The following ASIC1 variants were observed in gnomAD, a reference collection of about 807,000 sequenced individuals.
ASIC1 encodes acid-sensing ion channel 1.
In ASIC1, 21 loss-of-function variants were observed where a neutral mutation model predicts 63.4. The observed-to-expected ratio is 0.33, with a 90% confidence interval of 0.23 to 0.48. ASIC1 has a LOEUF of 0.48. Ranked by LOEUF, ASIC1 falls within the 20% of genes least tolerant of loss-of-function variation. The pLI, the probability that ASIC1 is intolerant of heterozygous loss-of-function variation, is 0.99. For synonymous variants in ASIC1, 258 were observed against 278.2 expected (o/e 0.93, Z 0.72); for missense variants, 478 against 695.5 (o/e 0.69, Z 3.52).
Position 50,057,697 on chromosome 12 carries a change from GGCGAGCGAGCCAGCGAGCC to G in ASIC1, c.-235_-217del, listed in dbSNP as rs1950457524. The G allele has an allele frequency of 6.6e-6, 1 of 151,532 alleles. No homozygotes were observed. Among genetic ancestry groups the G allele is most frequent in the South Asian group, 2.1e-4 (1 of 4,830 alleles). The allele number at this position is 151,532 out of a possible 1,614,324, so 9.4% of individuals were successfully genotyped here. Reference sequence around the variant, plus strand: ...GCCGAGCCCGGGCAGACCGAGCCGAGGCGAGCGAGCCAGCGAGCCAGCGCGCGCGGGCGGGCGGACAGAT... The same window carrying G: ...GCCGAGCCCGGGCAGACCGAGCCGAGAGCGCGCGCGGGCGGGCGGACAGAT... On this transcript the variant is annotated 5_prime_UTR_variant, in exon 1 of 12. Coordinates refer to ENST00000447966, the MANE Select transcript of ASIC1 (RefSeq NM_001095.4). The surrounding 1 kb of genome is among the most constrained non-coding windows in gnomAD (Gnocchi z 4.7).
chr12:50,078,792 G>A lies in ASIC1; in HGVS notation c.995-132G>A. On this transcript the variant is annotated intron_variant, in intron 6 of 11. Coordinates refer to ENST00000447966, the MANE Select transcript of ASIC1 (RefSeq NM_001095.4). The surrounding 1 kb of genome is among the most constrained non-coding windows in gnomAD (Gnocchi z 6.0). ...ATGGACCTGGAGTGGGTCACTTCTG[G>A]GGCAGCATGGGGGCCTGCCAGTCCT... 2 of 1,322,992 alleles carry A rather than the reference G, an allele frequency of 1.5e-6. No homozygotes were observed. The highest frequency in any genetic ancestry group is 2.2e-6 in the Non-Finnish European group (2 of 922,022). The allele number at this position is 1,322,992 out of a possible 1,614,324, so 82.0% of individuals were successfully genotyped here.
At position 50,078,378 on chromosome 12, in the gene ASIC1, G is replaced by A. The variant is rs765512482; in HGVS notation, c.838-43G>A. On this transcript the variant is annotated intron_variant, in intron 5 of 11. Transcript: ENST00000447966. The surrounding 1 kb of genome is among the most constrained non-coding windows in gnomAD (Gnocchi z 6.0). Reference sequence around the variant, plus strand: ...GAGGAGTCCATCAAGCTGATTTGGGGAGAAGTCCCCGCACTCCCCCAGCTC... The same window carrying A: ...GAGGAGTCCATCAAGCTGATTTGGGAAGAAGTCCCCGCACTCCCCCAGCTC... The A allele has an allele frequency of 1.9e-6, 3 of 1,608,216 alleles. No individual in the cohort carries two copies. The highest frequency in any genetic ancestry group is 2.5e-6 in the Non-Finnish European group (3 of 1,176,642).
intron 11 of ASIC1, 33 bp downstream of exon 11, chr12:50,081,397 G>A (rs775190150): frequency 3.2e-6 from 5 of 1,554,370 alleles, no homozygotes; most frequent in East Asian, 2.4e-5. Context: ...CCTCCAGCCC[G>A]CCTGTGCCTC....
chr12:50,072,564 C>T (rs1950610520), intron 3 of ASIC1, among the ~76,000 whole-genome samples: 1 of 152,186 alleles, frequency 6.6e-6, no homozygotes, highest in African/African-American at 2.4e-5. Context: ...TGACCCAGGT[C>T]CCCCTGCCCC....
Position 50,081,904 on chromosome 12 carries a change from T to C in ASIC1, c.*255T>C. 1 of 510,504 alleles carries C rather than the reference T, an allele frequency of 2.0e-6. No individual in the cohort carries two copies. Among genetic ancestry groups the C allele is most frequent in the Non-Finnish European group, 3.5e-6 (1 of 284,534 alleles). The allele number at this position is 510,504 out of a possible 1,614,324, so 31.6% of individuals were successfully genotyped here. A position where few individuals can be genotyped will look rare whatever the true frequency, so the allele number is the denominator to read the frequency against. On this transcript the variant is annotated 3_prime_UTR_variant, in exon 12 of 12. Transcript: ENST00000447966. ...GGGGCAAGGGACCTCAGGCTGCCCCTCTCTCCTCCATGCTGCCTCCCCTAG... is the reference window on the plus strand; with the variant it reads ...GGGGCAAGGGACCTCAGGCTGCCCCCCTCTCCTCCATGCTGCCTCCCCTAG...
At chr12:50,080,968 C>T in intron 9 of ASIC1, 134 bp from the exon 10 acceptor site, 1 of 892,790 alleles carries the variant, frequency 1.1e-6, no homozygotes, top group South Asian at 1.6e-5. Flanking sequence ...CCACCTGAAT[C>T]TGGCTTTGCG....
Position 50,082,540 on chromosome 12 carries a change from T to G in ASIC1, c.*891T>G, listed in dbSNP as rs1273136571. 6.6e-6 allele frequency: 1 copy of G among 152,506 alleles called. No individual in the cohort carries two copies. 9.4% of individuals were successfully genotyped at this position (152,506 alleles called of 1,614,324 possible). On this transcript the variant is annotated 3_prime_UTR_variant, in exon 12 of 12. Coordinates refer to ENST00000447966, the MANE Select transcript of ASIC1 (RefSeq NM_001095.4). The stretch of plus-strand genomic sequence containing the variant: ...CTTCTCTCAACAACCTCATCTGCAT[T>G]TTCTATTTCTATATGATACAGACTC...
chr12:50,059,668 C>T lies in ASIC1; in HGVS notation c.363-91C>T. 1 of 1,360,124 alleles carries T rather than the reference C, an allele frequency of 7.4e-7. No individual in the cohort carries two copies. Among genetic ancestry groups the T allele is most frequent in the Non-Finnish European group, 1.0e-6 (1 of 989,172 alleles). 84.3% of individuals were successfully genotyped at this position (1,360,124 alleles called of 1,614,324 possible). On this transcript the variant is annotated intron_variant, in intron 2 of 11. Transcript: ENST00000447966. The surrounding 1 kb of genome is among the most constrained non-coding windows in gnomAD (Gnocchi z 4.6). ...TCCTTGCCTACACCTGGGACTGATC[C>T]CCAGGGCTGGAGGCTGCCCCCATCA...
chr12:50,065,425 C>A (rs749003951), intron 3 of ASIC1, among the ~76,000 whole-genome samples: 1 of 152,204 alleles, frequency 6.6e-6, no homozygotes, highest in Admixed American at 6.5e-5. Context: ...TAAGCCCAAT[C>A]TCCTGTAAGG....
chr12:50,059,165 G>A lies in ASIC1; in HGVS notation c.362+37G>A. On this transcript the variant is annotated intron_variant, in intron 2 of 11. Coordinates refer to ENST00000447966, the MANE Select transcript of ASIC1 (RefSeq NM_001095.4). The surrounding 1 kb of genome is among the most constrained non-coding windows in gnomAD (Gnocchi z 4.6). The stretch of plus-strand genomic sequence containing the variant: ...CCACCCTCCCTCAGCCCTGCTCCTG[G>A]AGTTGCTTGAGTTCCAGTCAGGATG... 1 of 1,598,446 alleles carries A rather than the reference G, an allele frequency of 6.3e-7. No individual in the cohort carries two copies. The highest frequency in any genetic ancestry group is 8.5e-7 in the Non-Finnish European group (1 of 1,173,302).
intron 3 of ASIC1, among the ~76,000 whole-genome samples, chr12:50,071,265 G>A (rs1205354364): frequency 3.1e-5 from 4 of 129,534 alleles, no homozygotes; most frequent in Non-Finnish European, 4.9e-5. Flanking sequence ...ATTGCTTTCA[G>A]CTTTTTTTTT....
rs115122265 is a variant in ASIC1 at position 50,080,626 on chromosome 12, A to G, written c.1297+37A>G. On this transcript the variant is annotated intron_variant, in intron 9 of 11. Coordinates refer to ENST00000447966, the MANE Select transcript of ASIC1 (RefSeq NM_001095.4). ...ATGACACCTGTCCCCTTCTCATGCC[A>G]TGGGCATGGCGTGGCTCCCTATCAT... 2,043 of 1,614,166 alleles carry G rather than the reference A, an allele frequency of 1.3e-3. 16 individuals are homozygous for G. The African/African-American group carries it at 0.024, about 19-fold the overall frequency.
chr12:50,071,266 CTTTT>C (rs34556615), intron 3 of ASIC1, among the ~76,000 whole-genome samples: 1 of 119,818 alleles, frequency 8.3e-6, no homozygotes, highest in African/African-American at 3.3e-5. Context: ...TTGCTTTCAG[CTTTT>C]TTTTTTTTTT....
In ASIC1 at chr12:50,059,136, G is replaced by T. The variant is rs376321850; in HGVS notation, c.362+8G>T. On this transcript the variant is annotated splice_region_variant and intron_variant, in intron 2 of 11. Coordinates refer to ENST00000447966, the MANE Select transcript of ASIC1 (RefSeq NM_001095.4). The surrounding 1 kb of genome is among the most constrained non-coding windows in gnomAD (Gnocchi z 4.6). Reference sequence around the variant, plus strand: ...GGCCCTGCTCAACAACAGGTGGGTGGCTCCCACCCTCCCTCAGCCCTGCTC... The same window carrying T: ...GGCCCTGCTCAACAACAGGTGGGTGTCTCCCACCCTCCCTCAGCCCTGCTC... 1.1e-5 allele frequency: 17 copies of T among 1,611,014 alleles called. No homozygotes were observed. Among genetic ancestry groups the T allele is most frequent in the Middle Eastern group, 1.7e-4 (1 of 5,978 alleles).
intron 8 of ASIC1, chr12:50,080,268 CATT>C (rs1185712572): frequency 3.2e-5 from 25 of 780,556 alleles, no homozygotes; most frequent in African/African-American, 3.2e-4. Flanking sequence ...TCTTCATCCT[CATT>C]GTTGTAACCG....
In ASIC1 at chr12:50,074,860, CTGTGTGTGTGTGTGTGTGTGTG is replaced by C. The variant is rs376276861; in HGVS notation, c.559-2327_559-2306del. Among the ~76,000 whole-genome samples, 19 of 141,514 alleles carry C rather than the reference CTGTGTGTGTGTGTGTGTGTGTG, an allele frequency of 1.3e-4. No individual in the cohort carries two copies. In the South Asian group the frequency reaches 2.7e-3, roughly 20 times the overall value. The allele number at this position is 141,514 out of a possible 152,430, so 92.8% of individuals were successfully genotyped here. A position where few individuals can be genotyped will look rare whatever the true frequency, so the allele number is the denominator to read the frequency against. On this transcript the variant is annotated intron_variant, in intron 3 of 11. Coordinates refer to ENST00000447966, the MANE Select transcript of ASIC1 (RefSeq NM_001095.4). This position sits in a 1 kb window ranked among gnomAD's most constrained non-coding sequence, Gnocchi z 4.2. Reference sequence around the variant, plus strand: ...TATGGACGCCCCACCCCCACCAGCTCTGTGTGTGTGTGTGTGTGTGTGTGTGTGTGTGTGTGTGTGTGTGTGT... The same window carrying C: ...TATGGACGCCCCACCCCCACCAGCTCTGTGTGTGTGTGTGTGTGTGTGTGT...
intron 3 of ASIC1, 74 bp from the exon 4 acceptor site, chr12:50,077,139 G>A (rs996792219): frequency 6.2e-7 from 1 of 1,607,870 alleles, no homozygotes; most frequent in Admixed American, 1.7e-5. Flanking sequence ...CAACAGCTGG[G>A]GTGGCTAGGA....
chr12:50,059,044 G>A lies in ASIC1; in HGVS notation c.278G>A (p.Cys93Tyr). The A allele has an allele frequency of 6.2e-7, 1 of 1,614,168 alleles. No homozygotes were observed. Among genetic ancestry groups the A allele is most frequent in the Non-Finnish European group, 8.5e-7 (1 of 1,180,030 alleles). ...CTTACCTTCCCTGCTGTCACGCTGT[G>A]CAACCTCAACGAGTTCCGCTTTAGC... ...SQLTFPAVTLCNLNEFRFSQV... is the reference protein window; with the variant it reads ...SQLTFPAVTLYNLNEFRFSQV... Residue 93 changes from cysteine to tyrosine, a missense_variant, in exon 2 of 12, where the codon TGC becomes TAC. Cys to Tyr is a radical substitution (Grantham distance 194). Transcript: ENST00000447966. The surrounding 1 kb of genome is among the most constrained non-coding windows in gnomAD (Gnocchi z 4.6).
intron 3 of ASIC1, among the ~76,000 whole-genome samples, chr12:50,075,403 C>T (rs971266186): frequency 6.6e-6 from 1 of 152,228 alleles, no homozygotes. Flanking sequence ...TCTGAACCGG[C>T]GCAAGACAGG....
Sources: gnomAD v4.1 joint callset for allele counts (sites outside exome capture counted in the v4.1 genomes callset) on GRCh38, gnomAD v4.1.1 for gene constraint, Gnocchi (gnomAD v3.1) non-coding constraint, MANE v1.5 for transcripts, NCBI Gene and HGNC (gene_info 2026-07-23, HGNC 2026-07-21) for gene names.